ZC3H18: variants seen among roughly 807,000 people sequenced by gnomAD.
ZC3H18 encodes zinc finger CCCH domain-containing protein 18.
ZC3H18 carries 8 observed loss-of-function variants against 106.1 expected under a neutral mutation model. The observed-to-expected ratio is 0.08, with a 90% CI of 0.04 to 0.14. The LOEUF (loss-of-function observed/expected upper bound fraction) is 0.14, where lower values mean the gene tolerates loss of function less well. Ranked by LOEUF, ZC3H18 falls within the 10% of genes least tolerant of loss-of-function variation. The probability of loss-of-function intolerance (pLI) is 1.00; values close to 1 mark genes in which losing one functional copy is unlikely to be tolerated. For synonymous variants in ZC3H18, 635 were observed against 522.1 expected (o/e 1.22, Z -2.95); for missense variants, 1,318 against 1,278.4 (o/e 1.03, Z -0.47).
At chr16:88,586,821 GT>G in intron 3 of ZC3H18, 137 bp downstream of exon 3, 4 of 633,636 alleles carry the variant, frequency 6.3e-6, no homozygotes, top group Non-Finnish European at 8.5e-6. Flanking sequence ...GGTGGTGGTG[GT>G]GGTGGTGGTG....
At chr16:88,600,434 G>T (rs372048172) in intron 6 of ZC3H18, among the ~76,000 whole-genome samples, 2 of 152,114 alleles carry the variant, frequency 1.3e-5, no homozygotes, top group African/African-American at 2.4e-5. Context: ...TTTTCCCGAG[G>T]CAGAGTCTTG....
chr16:88,577,572 C>T lies in ZC3H18; in HGVS notation c.449C>T (p.Ala150Val), dbSNP rs199813821. ...GTCCAGGAGGACGAGGCTGAGAAAG[C>T]GGGGGCTGAGGATGATGAGGAGAAA... ...PAVQEDEAEK[A>V]GAEDDEEKGE... is the part of the protein sequence containing the mutation. Residue 150 changes from alanine to valine, a missense_variant, in exon 2 of 18, where the codon GCG (alanine) becomes GTG (valine). Coordinates refer to ENST00000301011, the MANE Select transcript of ZC3H18 (RefSeq NM_144604.4). The T allele has an allele frequency of 4.6e-5, 74 of 1,613,272 alleles. No homozygotes were observed. The highest frequency in any genetic ancestry group is 1.2e-4 in the South Asian group (11 of 91,058).
intron 2 of ZC3H18, among the ~76,000 whole-genome samples, chr16:88,583,799 A>C (rs945204365): frequency 1.1e-4 from 17 of 152,144 alleles, no homozygotes; most frequent in Admixed American, 9.2e-4. Flanking sequence ...TGAGAGCCCC[A>C]CGGGCACCAT....
At position 88,624,719 on chromosome 16, in the gene ZC3H18, G is replaced by A. The variant is rs1266962506; in HGVS notation, c.2016G>A (p.Glu672=). 6.2e-7 allele frequency: 1 copy of A among 1,613,104 alleles called. No homozygotes were observed. The highest frequency in any genetic ancestry group is 8.5e-7 in the Non-Finnish European group (1 of 1,179,802). ...ACCCTCGGGAAGCCAGGAGGAAGGA[G>A]CGGCCAGCCAGGACCCCCCCCAGGA... is the stretch of plus-strand genomic sequence containing the variant. The part of the protein sequence containing the change: ...PGDPREARRK[E]RPARTPPRRR... The change falls in exon 12 of 18, where the codon GAG becomes GAA. Residue 672 remains glutamate (E), a synonymous_variant. Coordinates refer to ENST00000301011, the MANE Select transcript of ZC3H18 (RefSeq NM_144604.4).
chr16:88,624,375 C>A, intron 11 of ZC3H18: 1 of 718,646 alleles, frequency 1.4e-6, no homozygotes, highest in Non-Finnish European at 2.3e-6. Context: ...GTGCCTGTAG[C>A]TCTTGCCTGT....
At chr16:88,619,851 T>C (rs920360790) in intron 8 of ZC3H18, among the ~76,000 whole-genome samples, 13 of 152,204 alleles carry the variant, frequency 8.5e-5, no homozygotes, top group African/African-American at 3.1e-4. Flanking sequence ...TGGTGCTCCC[T>C]TTCCTCTTGG....
At chr16:88,584,668 G>A (rs1915332532) in intron 2 of ZC3H18, among the ~76,000 whole-genome samples, 1 of 152,184 alleles carries the variant, frequency 6.6e-6, no homozygotes, top group Non-Finnish European at 1.5e-5. Context: ...TCTTTGGGTT[G>A]AAATGATGTC....
At chr16:88,572,398 G>GGTTCAC (rs1192583191) in intron 1 of ZC3H18, among the ~76,000 whole-genome samples, 3 of 151,900 alleles carry the variant, frequency 2.0e-5, no homozygotes, top group Non-Finnish European at 4.4e-5. Context: ...CCTCCTCCTG[G>GGTTCAC]GCACTTATTT....
chr16:88,621,176 C>T (rs1267463650), intron 8 of ZC3H18, among the ~76,000 whole-genome samples: 3 of 152,148 alleles, frequency 2.0e-5, no homozygotes, highest in Non-Finnish European at 4.4e-5. Flanking sequence ...TCCCAAGTAG[C>T]TGGGATTACA....
At chr16:88,575,668 A>T (rs1914703327) in intron 1 of ZC3H18, among the ~76,000 whole-genome samples, 2 of 152,004 alleles carry the variant, frequency 1.3e-5, no homozygotes, top group Admixed American at 1.3e-4. Context: ...TTTAATCTGG[A>T]TTAGTAAAAA....
At chr16:88,619,911 C>A (rs1310037728) in intron 8 of ZC3H18, among the ~76,000 whole-genome samples, 4 of 152,200 alleles carry the variant, frequency 2.6e-5, no homozygotes, top group Admixed American at 2.6e-4. Flanking sequence ...AAGTAGCTCT[C>A]TAGTAGCCTG....
At chr16:88,589,750 G>T (rs1915633941) in intron 3 of ZC3H18, among the ~76,000 whole-genome samples, 1 of 152,232 alleles carries the variant, frequency 6.6e-6, no homozygotes, top group African/African-American at 2.4e-5. Context: ...GAGCACAGAA[G>T]GCCACAGATC....
rs114035496 is a variant in ZC3H18, at chr16:88,576,737, A to T, written c.-14-373A>T. Among the ~76,000 whole-genome samples the T allele has an allele frequency of 7.7e-3, 1,170 of 152,318 alleles. 18 individuals carry two copies. The highest frequency in any genetic ancestry group is 0.026 in the African/African-American group (1,093 of 41,560). Reference sequence around the variant, plus strand: ...CATGATACAGTTTATCTTTAATTTCAAAAGTAAATACTCCTCTAAGAATTC... The same window carrying T: ...CATGATACAGTTTATCTTTAATTTCTAAAGTAAATACTCCTCTAAGAATTC... On this transcript the variant is annotated intron_variant, in intron 1 of 17. Transcript: ENST00000301011.
intron 13 of ZC3H18, among the ~76,000 whole-genome samples, chr16:88,626,899 C>G (rs182528111): frequency 1.3e-5 from 2 of 152,166 alleles, no homozygotes; most frequent in Non-Finnish European, 2.9e-5. Flanking sequence ...CCGTGTGTTC[C>G]TCAGGCATTC....
At position 88,627,745 on chromosome 16, in the gene ZC3H18, T is replaced by C; in HGVS notation, c.2232T>C (p.Ser744=). Residue 744 remains serine, a synonymous_variant, in exon 14 of 18, where the codon TCT becomes TCC. Coordinates refer to ENST00000301011, the MANE Select transcript of ZC3H18 (RefSeq NM_144604.4). This position sits in a 1 kb window ranked among gnomAD's most constrained non-coding sequence, Gnocchi z 4.5. ...CTAGCCCCGTGTCCTCAGCCAGCTCTCGGTCCCCGGCCCCAGCCCAGACCA... is the reference window on the plus strand; with the variant it reads ...CTAGCCCCGTGTCCTCAGCCAGCTCCCGGTCCCCGGCCCCAGCCCAGACCA... ...DLASPVSSAS[S]RSPAPAQTRK... 6.2e-7 allele frequency: 1 copy of C among 1,612,950 alleles called. No homozygotes were observed. The highest frequency in any genetic ancestry group is 8.5e-7 in the Non-Finnish European group (1 of 1,179,320).
intron 3 of ZC3H18, 44 bp downstream of exon 3, chr16:88,586,728 C>G: frequency 6.4e-7 from 1 of 1,559,606 alleles, no homozygotes. Context: ...AGCTGGGGCC[C>G]CACCTTCTGG....
chr16:88,596,333 A>G (rs1030214242), intron 3 of ZC3H18, among the ~76,000 whole-genome samples: 1 of 152,228 alleles, frequency 6.6e-6, no homozygotes, highest in Non-Finnish European at 1.5e-5. Context: ...ACCCAGATAC[A>G]TATTTTAGAT....
intron 2 of ZC3H18, among the ~76,000 whole-genome samples, chr16:88,581,050 C>G (rs568239121): frequency 6.6e-6 from 1 of 152,300 alleles, no homozygotes; most frequent in East Asian, 1.9e-4. Flanking sequence ...AGCCTCGTGG[C>G]CTACCCCTTG....
rs968738981 is a variant in ZC3H18 at position 88,587,450 on chromosome 16, C to G, written c.688+766C>G. 5 of 1,103,128 alleles carry G rather than the reference C, an allele frequency of 4.5e-6. No individual in the cohort carries two copies. In the South Asian group the frequency reaches 5.7e-5, roughly 13 times the overall value. The allele number at this position is 1,103,128 out of a possible 1,614,324, so 68.3% of individuals were successfully genotyped here. On this transcript the variant is annotated intron_variant, in intron 3 of 17. Coordinates refer to ENST00000301011, the MANE Select transcript of ZC3H18 (RefSeq NM_144604.4). ...GTAGGAAGGTGTTTTTCTCTTTTCT[C>G]TTAATTTTGCTGTAAGCCCATAGAT...
Sources: allele counts gnomAD v4.1 joint callset (sites outside exome capture counted in the v4.1 genomes callset), GRCh38; gene constraint gnomAD v4.1.1; non-coding constraint Gnocchi (gnomAD v3.1); transcripts MANE v1.5; gene names NCBI Gene and HGNC (gene_info 2026-07-23, HGNC 2026-07-21).